Variants in NUBPL observed in about 807,000 individuals in gnomAD.
The protein encoded by NUBPL is NUBP iron-sulfur cluster assembly factor, mitochondrial.
NUBPL carries 31 observed loss-of-function variants against 45.7 expected under a neutral mutation model. That is an observed-to-expected ratio of 0.68 (90% CI 0.51 to 0.92). NUBPL has a LOEUF of 0.92. Among genes scored for constraint, NUBPL ranks in the 40% least tolerant of loss-of-function variants. The pLI, the probability that NUBPL is intolerant of heterozygous loss-of-function variation, is 0.00. For synonymous variants in NUBPL, 144 were observed against 140.9 expected (o/e 1.02, Z -0.15); for missense variants, 401 against 398.7 (o/e 1.01, Z -0.05).
At chr14:31,799,766 A>C (rs2039548838) in intron 7 of NUBPL, among the ~76,000 whole-genome samples, 1 of 152,194 alleles carries the variant, frequency 6.6e-6, no homozygotes. Flanking sequence ...GATTGTGGCC[A>C]CTGAGTGATC....
chr14:31,634,465 C>T (rs1280337747), intron 4 of NUBPL, among the ~76,000 whole-genome samples: 1 of 152,004 alleles, frequency 6.6e-6, no homozygotes, highest in African/African-American at 2.4e-5. Context: ...ACATGTGCCA[C>T]ATTTTCTTAA....
chr14:31,595,824 A>G (rs942319235), intron 3 of NUBPL, among the ~76,000 whole-genome samples: 4 of 151,860 alleles, frequency 2.6e-5, no homozygotes, highest in Non-Finnish European at 4.4e-5. Flanking sequence ...TGGTAACTGT[A>G]CTGGTCTGGT....
intron 3 of NUBPL, among the ~76,000 whole-genome samples, chr14:31,575,250 AG>A (rs2033689419): frequency 6.6e-6 from 1 of 152,230 alleles, no homozygotes; most frequent in South Asian, 2.1e-4. Flanking sequence ...GATTTTTGAA[AG>A]GTTCAACAGT....
At chr14:31,792,412 G>A (rs11624178) in intron 7 of NUBPL, among the ~76,000 whole-genome samples, 43,879 of 151,840 alleles carry the variant, frequency 0.29, 7,617 homozygotes, top group South Asian at 0.41. Context: ...TAGTCTAGAA[G>A]CAGTTTTCTT....
At chr14:31,806,160 C>T (rs1215968883) in intron 7 of NUBPL, among the ~76,000 whole-genome samples, 1 of 152,176 alleles carries the variant, frequency 6.6e-6, no homozygotes. Flanking sequence ...AGAATGCCTT[C>T]ACATCTTAAG....
intron 3 of NUBPL, among the ~76,000 whole-genome samples, chr14:31,567,453 T>G (rs1219157888): frequency 2.0e-5 from 3 of 152,220 alleles, no homozygotes; most frequent in African/African-American, 4.8e-5. Context: ...CTGACCTTTA[T>G]GCTTGTTAAT....
intron 6 of NUBPL, among the ~76,000 whole-genome samples, chr14:31,740,307 A>G (rs1056699769): frequency 1.3e-5 from 2 of 152,178 alleles, no homozygotes; most frequent in South Asian, 2.1e-4. Context: ...CATCCTCACC[A>G]TCATTTGGTG....
At chr14:31,731,529 A>G (rs1307713824) in intron 6 of NUBPL, among the ~76,000 whole-genome samples, 2 of 152,202 alleles carry the variant, frequency 1.3e-5, no homozygotes, top group African/African-American at 4.8e-5. Flanking sequence ...CCATTTAACC[A>G]TTTAATGAAA....
intron 3 of NUBPL, among the ~76,000 whole-genome samples, chr14:31,583,768 T>C (rs1346096513): frequency 6.6e-6 from 1 of 152,074 alleles, no homozygotes; most frequent in Non-Finnish European, 1.5e-5. Flanking sequence ...AAGAGCATGG[T>C]GATATCTTGG....
intron 3 of NUBPL, among the ~76,000 whole-genome samples, chr14:31,578,975 T>G (rs763039338): frequency 2.0e-5 from 3 of 152,234 alleles, no homozygotes; most frequent in Admixed American, 2.0e-4. Context: ...CCTGTGGCTC[T>G]TAAACAATGT....
chr14:31,744,864 T>C (rs4981895), intron 6 of NUBPL, among the ~76,000 whole-genome samples: 69,898 of 151,408 alleles, frequency 0.46, 17,430 homozygotes, highest in African/African-American at 0.67. Flanking sequence ...TTGTGTTCCA[T>C]CCACCTCAGC....
rs993270454 is a variant in NUBPL at position 31,776,719 on chromosome 14, C to G, written c.514-11061C>G. ...ATAGCTTTGTTACATAAAAGTTTAC[C>G]AGATTGGTCTAATACAGTTCCAAAT... is the stretch of plus-strand genomic sequence containing the variant. On this transcript the variant is annotated intron_variant, in intron 6 of 10. Transcript: ENST00000281081. Among the ~76,000 whole-genome samples the G allele has an allele frequency of 9.9e-5, 15 of 152,278 alleles. 1 individual carries two copies. The highest frequency in any genetic ancestry group is 7.2e-4 in the Admixed American group (11 of 15,300).
chr14:31,752,682 CCCAATT>C (rs2038558378), intron 6 of NUBPL, among the ~76,000 whole-genome samples: 1 of 152,208 alleles, frequency 6.6e-6, no homozygotes, highest in African/African-American at 2.4e-5. Context: ...CAGCCTGTTA[CCCAATT>C]CCAAAGTTGC....
chr14:31,567,488 T>C (rs2033467003), intron 3 of NUBPL, among the ~76,000 whole-genome samples: 1 of 152,266 alleles, frequency 6.6e-6, no homozygotes, highest in Non-Finnish European at 1.5e-5. Context: ...TTGATCTCTT[T>C]GTCTTTTGCT....
At chr14:31,775,868 T>C (rs929971041) in intron 6 of NUBPL, among the ~76,000 whole-genome samples, 3 of 152,108 alleles carry the variant, frequency 2.0e-5, no homozygotes, top group Non-Finnish European at 4.4e-5. Context: ...AAAGCTTAAG[T>C]TCAGGGTTCT....
intron 6 of NUBPL, among the ~76,000 whole-genome samples, chr14:31,770,668 T>G (rs2038993447): frequency 6.6e-6 from 1 of 152,152 alleles, no homozygotes; most frequent in Non-Finnish European, 1.5e-5. Flanking sequence ...TTTACAAAGG[T>G]GGTTAAGCTT....
chr14:31,791,242 C>T lies in NUBPL; in HGVS notation c.607+3369C>T, dbSNP rs116019098. ...GCAGTGAGCTGTGTTCATGCTATTG[C>T]ACTCCAAACTGGGTGATAGAATAAG... On this transcript the variant is annotated intron_variant, in intron 7 of 10. Transcript: ENST00000281081. Among the ~76,000 whole-genome samples the T allele has an allele frequency of 6.5e-3, 993 of 152,246 alleles. 11 individuals are homozygous for T. The highest frequency in any genetic ancestry group is 0.022 in the African/African-American group (930 of 41,546).
intron 4 of NUBPL, among the ~76,000 whole-genome samples, chr14:31,666,263 A>ATATATATATATATATATAT: frequency 1.8e-5 from 2 of 111,886 alleles, no homozygotes; most frequent in Non-Finnish European, 3.8e-5. Context: ...ATATATATAT[A>ATATATATATATATATATAT]ATTTTATTTT....
intron 6 of NUBPL, among the ~76,000 whole-genome samples, chr14:31,734,295 TTG>T (rs2038117557): frequency 6.6e-6 from 1 of 152,184 alleles, no homozygotes; most frequent in Non-Finnish European, 1.5e-5. Flanking sequence ...CTTCTGTCTC[TTG>T]TCCTTCATTC....
Sources: allele counts gnomAD v4.1 joint callset (sites outside exome capture counted in the v4.1 genomes callset), GRCh38; gene constraint gnomAD v4.1.1; transcripts MANE v1.5; gene names NCBI Gene and HGNC (gene_info 2026-07-23, HGNC 2026-07-21).